SLC20A2: variants seen among roughly 807,000 people sequenced by gnomAD.
SLC20A2 encodes sodium-dependent phosphate transporter 2.
In SLC20A2, 30 loss-of-function variants were observed where a neutral mutation model predicts 61.0. That is an observed-to-expected ratio of 0.49 (90% CI 0.37 to 0.67). The LOEUF (loss-of-function observed/expected upper bound fraction) is 0.67, where lower values mean the gene tolerates loss of function less well. Ranked by LOEUF, SLC20A2 falls within the 30% of genes least tolerant of loss-of-function variation. The pLI, the probability that SLC20A2 is intolerant of heterozygous loss-of-function variation, is 0.00. For missense variants in SLC20A2, 626 were observed against 866.4 expected, an observed-to-expected ratio of 0.72 and a Z score of 3.48; for synonymous variants, 351 against 353.3, an observed-to-expected ratio of 0.99 and a Z score of 0.07.
At chr8:42,499,073 G>C (rs1810147764) in intron 1 of SLC20A2, among the ~76,000 whole-genome samples, 1 of 152,222 alleles carries the variant, frequency 6.6e-6, no homozygotes, top group South Asian at 2.1e-4. Flanking sequence ...TAGGATGAGA[G>C]CACGGGCAGC....
chr8:42,462,426 G>A (rs1024418701), intron 4 of SLC20A2, among the ~76,000 whole-genome samples: 2 of 152,208 alleles, frequency 1.3e-5, no homozygotes, highest in East Asian at 3.8e-4. Flanking sequence ...AAACACTGCA[G>A]CAACCCTGTG....
At chr8:42,507,685 C>A (rs554697231) in intron 1 of SLC20A2, among the ~76,000 whole-genome samples, 1 of 152,344 alleles carries the variant, frequency 6.6e-6, no homozygotes, top group African/African-American at 2.4e-5. Context: ...TGCCCATGAC[C>A]ACAGCAGAAA....
intron 2 of SLC20A2, among the ~76,000 whole-genome samples, chr8:42,469,225 T>A (rs749389895): frequency 2.2e-4 from 33 of 152,220 alleles, no homozygotes; most frequent in Middle Eastern, 3.4e-3. Context: ...TACACCACCA[T>A]CTTAAATTTA....
upstream of SLC20A2, among the ~76,000 whole-genome samples, chr8:42,505,861 C>A (rs1344979307): frequency 6.6e-6 from 1 of 151,622 alleles, no homozygotes; most frequent in African/African-American, 2.4e-5. Flanking sequence ...ACCACTCCAG[C>A]CTGGATGACA....
At chr8:42,424,531 A>T (rs901342536) in intron 10 of SLC20A2, among the ~76,000 whole-genome samples, 3 of 152,220 alleles carry the variant, frequency 2.0e-5, no homozygotes, top group Non-Finnish European at 4.4e-5. Context: ...AAAATATCTG[A>T]TAAACTGAGT....
intron 5 of SLC20A2, among the ~76,000 whole-genome samples, chr8:42,445,160 C>T (rs964212023): frequency 1.1e-4 from 17 of 151,906 alleles, no homozygotes; most frequent in African/African-American, 3.6e-4. Context: ...GGCGTGGTGG[C>T]GCATGCCTGT....
intron 10 of SLC20A2, among the ~76,000 whole-genome samples, chr8:42,420,652 A>G (rs541497425): frequency 1.3e-5 from 2 of 152,304 alleles, no homozygotes; most frequent in East Asian, 1.9e-4. Flanking sequence ...ATCCATTGCT[A>G]TCTACTCTGT....
At chr8:42,458,769 C>T (rs921099680) in intron 5 of SLC20A2, among the ~76,000 whole-genome samples, 14 of 151,296 alleles carry the variant, frequency 9.3e-5, no homozygotes, top group South Asian at 2.1e-4. Flanking sequence ...ATTAGCTGGG[C>T]GAGGAGGAGG....
At chr8:42,527,532 C>A (rs1812048253) in intron 1 of SLC20A2, among the ~76,000 whole-genome samples, 3 of 152,032 alleles carry the variant, frequency 2.0e-5, no homozygotes, top group Non-Finnish European at 4.4e-5. Flanking sequence ...AACCCTAGCA[C>A]TTTGGGGGGC....
At chr8:42,470,867 C>T (rs571422618) in intron 2 of SLC20A2, among the ~76,000 whole-genome samples, 10 of 150,752 alleles carry the variant, frequency 6.6e-5, no homozygotes, top group African/African-American at 9.8e-5. Flanking sequence ...TCAGCTACTC[C>T]GGAGGGTGAG....
chr8:42,508,054 T>C (rs1810816527), intron 1 of SLC20A2, among the ~76,000 whole-genome samples: 1 of 152,064 alleles, frequency 6.6e-6, no homozygotes, highest in South Asian at 2.1e-4. Context: ...TCCCAGCTAC[T>C]CAGGAGACTG....
chr8:42,533,660 T>TTCTTTTTTTTTTTTTTTTTTC, intron 1 of SLC20A2, among the ~76,000 whole-genome samples: 1 of 118,344 alleles, frequency 8.4e-6, no homozygotes, highest in Non-Finnish European at 1.8e-5. Flanking sequence ...TGTTCTTTTT[T>TTCTTTTTTTTTTTTTTTTTTC]TTTTTTTTTT....
chr8:42,436,375 G>A (rs939215465), intron 8 of SLC20A2, among the ~76,000 whole-genome samples: 1 of 152,134 alleles, frequency 6.6e-6, no homozygotes, highest in South Asian at 2.1e-4. Context: ...CTAACAGACA[G>A]CAGCTCCACT....
At chr8:42,485,829 C>G (rs961864315) in intron 1 of SLC20A2, among the ~76,000 whole-genome samples, 119 of 151,566 alleles carry the variant, frequency 7.9e-4, no homozygotes, top group Non-Finnish European at 1.4e-3. Flanking sequence ...GCCTGTAATC[C>G]CAGCTACTCG....
At chr8:42,495,516 A>T (rs1809858408) in intron 1 of SLC20A2, among the ~76,000 whole-genome samples, 1 of 152,210 alleles carries the variant, frequency 6.6e-6, no homozygotes, top group African/African-American at 2.4e-5. Context: ...AAACAGACAC[A>T]GATGTAGAAA....
At chr8:42,492,094 C>T (rs1024465888) in intron 1 of SLC20A2, among the ~76,000 whole-genome samples, 22 of 152,154 alleles carry the variant, frequency 1.4e-4, no homozygotes, top group African/African-American at 5.3e-4. Context: ...CGGTGGCTCA[C>T]GTCTGTAATC....
At chr8:42,511,519 C>T (rs34162268) in intron 1 of SLC20A2, among the ~76,000 whole-genome samples, 22,516 of 151,490 alleles carry the variant, frequency 0.15, 1,881 homozygotes, top group South Asian at 0.23. Flanking sequence ...CCCAGCTACT[C>T]GGGAGGCTGA....
intron 1 of SLC20A2, among the ~76,000 whole-genome samples, chr8:42,498,235 G>A (rs556091677): frequency 1.3e-5 from 2 of 152,298 alleles, no homozygotes; most frequent in East Asian, 3.9e-4. Context: ...TAGGAGGATT[G>A]CAACAGAGGA....
At chr8:42,508,741 G>T (rs1810867849) in intron 1 of SLC20A2, among the ~76,000 whole-genome samples, 1 of 152,170 alleles carries the variant, frequency 6.6e-6, no homozygotes, top group African/African-American at 2.4e-5. Context: ...ACAGTAGCAG[G>T]AGTAGAAAGA....
Sources: gnomAD v4.1 joint callset for allele counts (sites outside exome capture counted in the v4.1 genomes callset) on GRCh38, gnomAD v4.1.1 for gene constraint, MANE v1.5 for transcripts, NCBI Gene and HGNC (gene_info 2026-07-23, HGNC 2026-07-21) for gene names.